The following ATP1B2 variants were observed in gnomAD, a reference collection of about 807,000 sequenced individuals.
ATP1B2 encodes the protein sodium/potassium-transporting ATPase subunit beta-2.
Under a neutral mutation model 37.3 loss-of-function variants are expected in ATP1B2, and 12 were observed. The observed-to-expected ratio is 0.32, with a 90% CI of 0.21 to 0.52. ATP1B2 has a LOEUF of 0.52. ATP1B2 is among the 20% of genes least tolerant of loss of function. The pLI is 0.96. For missense variants in ATP1B2, 324 were observed against 391.6 expected (o/e 0.83, Z 1.46); for synonymous variants, 139 against 140.5 (o/e 0.99, Z 0.07).
At chr17:7,649,440 T>A (rs573067899), upstream of ATP1B2, among the ~76,000 whole-genome samples, 44 of 151,444 alleles carry the variant, frequency 2.9e-4, no homozygotes, top group Admixed American at 1.3e-4. Context: ...CAAGCTGGAG[T>A]GCAATGGCGT....
At position 7,651,485 on chromosome 17, in the gene ATP1B2, C is replaced by T. The variant is rs1271455638; in HGVS notation, c.-34C>T. 3 of 1,542,474 alleles carry T rather than the reference C, an allele frequency of 1.9e-6. No individual in the cohort carries two copies. The highest frequency in any genetic ancestry group is 1.9e-5 in the Admixed American group (1 of 51,570). On this transcript the variant is annotated 5_prime_UTR_variant, in exon 1 of 7. Coordinates refer to ENST00000250111, the MANE Select transcript of ATP1B2 (RefSeq NM_001678.5). ...GCGCCCCCGCTTCTCCGCAACCCCCCGCCCCGCGCCCGGACTCGCCCCGCG... is the reference window on the plus strand; with the variant it reads ...GCGCCCCCGCTTCTCCGCAACCCCCTGCCCCGCGCCCGGACTCGCCCCGCG...
At position 7,650,960 on chromosome 17, in the gene ATP1B2, C is replaced by A. The variant is rs888673336; in HGVS notation, c.-559C>A. Reference sequence around the variant, plus strand: ...AGGAGCGGAGCCTCCGCCTGGGGGGCCCCCCATCCCTGGCTGTCCCCCAGC... The same window carrying A: ...AGGAGCGGAGCCTCCGCCTGGGGGGACCCCCATCCCTGGCTGTCCCCCAGC... On this transcript the variant is annotated 5_prime_UTR_variant, in exon 1 of 7. Coordinates refer to ENST00000250111, the MANE Select transcript of ATP1B2 (RefSeq NM_001678.5). Among the ~76,000 whole-genome samples, 1 of 152,064 alleles carries A rather than the reference C, an allele frequency of 6.6e-6. No individual in the cohort carries two copies. The highest frequency in any genetic ancestry group is 2.4e-5 in the African/African-American group (1 of 41,414).
Position 7,656,286 on chromosome 17 carries a change from G to A in ATP1B2, c.*391G>A, listed in dbSNP as rs2072651861. 4.4e-6 allele frequency: 1 copy of A among 225,228 alleles called. No individual in the cohort carries two copies. 14.0% of individuals were successfully genotyped at this position (225,228 alleles called of 1,614,324 possible). ...CCCCGCCACACACACACACAAACGT[G>A]CACACGCGTCTCATTTGACCCCTTT... On this transcript the variant is annotated 3_prime_UTR_variant, in exon 7 of 7. Coordinates refer to ENST00000250111, the MANE Select transcript of ATP1B2 (RefSeq NM_001678.5).
intron 1 of ATP1B2, among the ~76,000 whole-genome samples, chr17:7,652,686 T>C (rs941244033): frequency 6.6e-6 from 1 of 152,082 alleles, no homozygotes; most frequent in Admixed American, 6.6e-5. Context: ...CAGCCGGCCC[T>C]TGGGTCCTTA....
upstream of ATP1B2, among the ~76,000 whole-genome samples, chr17:7,650,707 C>CACCCTG (rs2072604691): frequency 1.3e-5 from 2 of 152,072 alleles, no homozygotes; most frequent in African/African-American, 4.8e-5. Context: ...CTATCTCTTC[C>CACCCTG]TCCCACCCTG....
In ATP1B2 at chr17:7,654,806, T is replaced by A; in HGVS notation, c.609+122T>A. 1 of 1,187,738 alleles carries A rather than the reference T, an allele frequency of 8.4e-7. No individual in the cohort carries two copies. Among genetic ancestry groups the A allele is most frequent in the Non-Finnish European group, 1.2e-6 (1 of 812,986 alleles). 73.6% of individuals were successfully genotyped at this position (1,187,738 alleles called of 1,614,324 possible). ...TTTGCTCCTAGAGGCCCCATCACCA[T>A]AGAAACAAGGGGGTAAGAGTGGGCT... is the stretch of plus-strand genomic sequence containing the variant. On this transcript the variant is annotated intron_variant, in intron 5 of 6. Coordinates refer to ENST00000250111, the MANE Select transcript of ATP1B2 (RefSeq NM_001678.5). This position sits in a 1 kb window ranked among gnomAD's most constrained non-coding sequence, Gnocchi z 4.9.
At position 7,651,572 on chromosome 17, in the gene ATP1B2, G is replaced by A. The variant is rs1286683626; in HGVS notation, c.54G>A (p.Lys18=). 1 of 1,608,756 alleles carries A rather than the reference G, an allele frequency of 6.2e-7. No homozygotes were observed. Among genetic ancestry groups the A allele is most frequent in the Non-Finnish European group, 8.5e-7 (1 of 1,177,702 alleles). ...GCGGGCAGGTGGTTGAGGAGTGGAA[G>A]GAGTTCGTGTGGAACCCGAGGACGC... ...KSCGQVVEEW[K]EFVWNPRTHQ... is the part of the protein sequence containing the mutation. Residue 18 remains lysine (K), a synonymous_variant, in exon 1 of 7, where the codon AAG becomes AAA. Transcript: ENST00000250111.
At position 7,654,678 on chromosome 17, in the gene ATP1B2, T is replaced by C. The variant is rs763231074; in HGVS notation, c.603T>C (p.Ala201=). 3.1e-6 allele frequency: 5 copies of C among 1,614,186 alleles called. No homozygotes were observed. Among genetic ancestry groups the C allele is most frequent in the Non-Finnish European group, 3.4e-6 (4 of 1,180,020 alleles). Residue 201 remains alanine, a synonymous_variant, in exon 5 of 7, where the codon GCT becomes GCC. Coordinates refer to ENST00000250111, the MANE Select transcript of ATP1B2 (RefSeq NM_001678.5). The surrounding 1 kb of genome is among the most constrained non-coding windows in gnomAD (Gnocchi z 4.9). ...GANQSMNVTC[A]GKRDEDAENL... is the part of the protein sequence containing the mutation. ...ACCAGAGCATGAATGTTACCTGTGCTGGGAAGGTGAGTTCGTTGGGCCTTG... is the reference window on the plus strand; with the variant it reads ...ACCAGAGCATGAATGTTACCTGTGCCGGGAAGGTGAGTTCGTTGGGCCTTG...
rs900001519 is a variant in ATP1B2 at position 7,656,654 on chromosome 17, G to A, written c.*759G>A. ...CCTCTAGCAGCCCCCGACTTCAGCA[G>A]TTTCTTTCTTTGTTTTTTTGAGATG... On this transcript the variant is annotated 3_prime_UTR_variant, in exon 7 of 7. Coordinates refer to ENST00000250111, the MANE Select transcript of ATP1B2 (RefSeq NM_001678.5). 6.5e-6 allele frequency: 1 copy of A among 152,932 alleles called. No homozygotes were observed. The highest frequency in any genetic ancestry group is 1.5e-5 in the Non-Finnish European group (1 of 68,780). 9.5% of individuals were successfully genotyped at this position (152,932 alleles called of 1,614,324 possible). A position where few individuals can be genotyped will look rare whatever the true frequency, so the allele number is the denominator to read the frequency against.
upstream of ATP1B2, among the ~76,000 whole-genome samples, chr17:7,646,884 C>A (rs2150975803): frequency 6.6e-6 from 1 of 152,180 alleles, no homozygotes; most frequent in South Asian, 2.1e-4. Context: ...TCAACACAAG[C>A]CTTGGCAATA....
At chr17:7,647,214 G>A (rs1279295930), upstream of ATP1B2, among the ~76,000 whole-genome samples, 1 of 152,020 alleles carries the variant, frequency 6.6e-6, no homozygotes, top group South Asian at 2.1e-4. Context: ...GGCATTGTAG[G>A]AGGCATGGAT....
In ATP1B2 at chr17:7,654,734, G is replaced by A. The variant is rs1370449570; in HGVS notation, c.609+50G>A. On this transcript the variant is annotated intron_variant, in intron 5 of 6. Transcript: ENST00000250111. The surrounding 1 kb of genome is among the most constrained non-coding windows in gnomAD (Gnocchi z 4.9). The stretch of plus-strand genomic sequence containing the variant: ...CTGCTCACCTGAGTGGCTCACCTGA[G>A]TGTCCTTCATGGTTTCTGTGTAATT... 9.4e-6 allele frequency: 15 copies of A among 1,587,686 alleles called. No homozygotes were observed. In the South Asian group the frequency reaches 1.7e-4, roughly 18 times the overall value.
chr17:7,653,697 C>A, intron 2 of ATP1B2, 144 bp from the exon 3 acceptor site: 2 of 1,231,534 alleles, frequency 1.6e-6, no homozygotes, highest in Middle Eastern at 2.0e-4. Context: ...TGGCAGATAG[C>A]CACAGGAGAT....
upstream of ATP1B2, among the ~76,000 whole-genome samples, chr17:7,649,735 T>C (rs1295594026): frequency 1.3e-5 from 2 of 151,922 alleles, no homozygotes; most frequent in African/African-American, 2.4e-5. Context: ...TTTTTTTGTA[T>C]TTTTAGTAGG....
At position 7,654,015 on chromosome 17, in the gene ATP1B2, C is replaced by T; in HGVS notation, c.347-37C>T. On this transcript the variant is annotated intron_variant, in intron 3 of 6. Coordinates refer to ENST00000250111, the MANE Select transcript of ATP1B2 (RefSeq NM_001678.5). The surrounding 1 kb of genome is among the most constrained non-coding windows in gnomAD (Gnocchi z 4.9). ...GGGACTGGGGACCTTGGAAGTGGAA[C>T]ATCTGGCCCCTGAGTCTCTCCCTCC... The T allele has an allele frequency of 1.9e-6, 3 of 1,563,112 alleles. No homozygotes were observed. Among genetic ancestry groups the T allele is most frequent in the Non-Finnish European group, 8.8e-7 (1 of 1,141,078 alleles).
chr17:7,655,604 C>T lies in ATP1B2; in HGVS notation c.687C>T (p.Pro229=). Residue 229 remains proline, a synonymous_variant, in exon 6 of 7, where the codon CCC becomes CCT. Coordinates refer to ENST00000250111, the MANE Select transcript of ATP1B2 (RefSeq NM_001678.5). This position sits in a 1 kb window ranked among gnomAD's most constrained non-coding sequence, Gnocchi z 4.4. ...GCAACATCGACCTCATGTACTTCCCCTACTATGGCAAAAAGTTCCACGTAA... is the reference window on the plus strand; with the variant it reads ...GCAACATCGACCTCATGTACTTCCCTTACTATGGCAAAAAGTTCCACGTAA... ...ANGNIDLMYF[P]YYGKKFHVNY... 1 of 1,614,188 alleles carries T rather than the reference C, an allele frequency of 6.2e-7. No individual in the cohort carries two copies. Among genetic ancestry groups the T allele is most frequent in the Non-Finnish European group, 8.5e-7 (1 of 1,180,048 alleles).
chr17:7,651,830 C>T (rs1355253261), intron 1 of ATP1B2, among the ~76,000 whole-genome samples, 200 bp downstream of exon 1: 1 of 152,080 alleles, frequency 6.6e-6, no homozygotes, highest in Non-Finnish European at 1.5e-5. Flanking sequence ...AAGTAGGTCA[C>T]AGCCGCCTTC....
rs1215653117 is a variant in ATP1B2 at position 7,657,656 on chromosome 17, C to G, written c.*1761C>G. 1 of 152,596 alleles carries G rather than the reference C, an allele frequency of 6.6e-6. No homozygotes were observed. The highest frequency in any genetic ancestry group is 1.5e-5 in the Non-Finnish European group (1 of 68,042). 9.5% of individuals were successfully genotyped at this position (152,596 alleles called of 1,614,324 possible). On this transcript the variant is annotated 3_prime_UTR_variant, in exon 7 of 7. Transcript: ENST00000250111. The stretch of plus-strand genomic sequence containing the variant: ...GCCCCCATGTTTTCCTGCACCCGCC[C>G]TACCATGGTCTCTCTCTGCAGTTAT...
upstream of ATP1B2, among the ~76,000 whole-genome samples, chr17:7,649,812 C>T (rs1267641587): frequency 6.6e-6 from 1 of 152,072 alleles, no homozygotes; most frequent in Non-Finnish European, 1.5e-5. Flanking sequence ...CCCACCTCGG[C>T]CTCCCAAAGT....
Sources: allele counts gnomAD v4.1 joint callset (sites outside exome capture counted in the v4.1 genomes callset), GRCh38; gene constraint gnomAD v4.1.1; non-coding constraint Gnocchi (gnomAD v3.1); transcripts MANE v1.5; gene names NCBI Gene and HGNC (gene_info 2026-07-23, HGNC 2026-07-21).